Variants in MGST2 observed in about 807,000 individuals in gnomAD.
The protein encoded by MGST2 is microsomal glutathione S-transferase 2.
Under a neutral mutation model 16.6 loss-of-function variants are expected in MGST2, and 9 were observed. The ratio of observed to expected loss-of-function variants is 0.54; its 90% CI spans 0.33 to 0.95. The LOEUF (loss-of-function observed/expected upper bound fraction) is 0.95, where lower values mean the gene tolerates loss of function less well. MGST2 is among the 40% of genes least tolerant of loss of function. MGST2 has a pLI of 0.03. For missense variants in MGST2, 159 were observed against 175.1 expected (o/e 0.91, Z 0.52); for synonymous variants, 79 against 68.0 (o/e 1.16, Z -0.79).
chr4:139,734,172 A>G (rs1728835965), intron 5 of MGST2, among the ~76,000 whole-genome samples: 3 of 152,226 alleles, frequency 2.0e-5, no homozygotes, highest in South Asian at 4.1e-4. Context: ...GGCCACTAAC[A>G]TAATACATGG....
Position 139,665,911 on chromosome 4 carries a change from C to A in MGST2, c.-109C>A. ...ATTCAGCCGCTTGAATCAGCCTTTTCCCCCCACCCGGTCCCCAACTTTGTT... is the reference window on the plus strand; with the variant it reads ...ATTCAGCCGCTTGAATCAGCCTTTTACCCCCACCCGGTCCCCAACTTTGTT... On this transcript the variant is annotated 5_prime_UTR_variant, in exon 1 of 5. Coordinates refer to ENST00000265498, the MANE Select transcript of MGST2 (RefSeq NM_002413.5). The A allele has an allele frequency of 2.7e-6, 3 of 1,096,516 alleles. No homozygotes were observed. Among genetic ancestry groups the A allele is most frequent in the Non-Finnish European group, 4.1e-6 (3 of 724,550 alleles). 67.9% of individuals were successfully genotyped at this position (1,096,516 alleles called of 1,614,324 possible).
chr4:139,706,822 G>A (rs186619722), downstream of MGST2, among the ~76,000 whole-genome samples: 299 of 152,200 alleles, frequency 2.0e-3, no homozygotes, highest in Non-Finnish European at 3.4e-3. Context: ...GCAACCTTTT[G>A]ATTATTTTCA....
intron 5 of MGST2, among the ~76,000 whole-genome samples, chr4:139,723,549 T>C (rs1428400737): frequency 6.6e-6 from 1 of 152,126 alleles, no homozygotes; most frequent in African/African-American, 2.4e-5. Flanking sequence ...CGACCTCAGG[T>C]GAACTGCCCG....
chr4:139,706,306 G>C (rs927977911), downstream of MGST2, among the ~76,000 whole-genome samples: 2 of 152,142 alleles, frequency 1.3e-5, no homozygotes, highest in Non-Finnish European at 2.9e-5. Flanking sequence ...AATCAAAGAA[G>C]TGAAGACTCC....
chr4:139,717,846 G>A (rs1159858795), intron 5 of MGST2: 1 of 152,318 alleles, frequency 6.6e-6, no homozygotes, highest in Admixed American at 6.5e-5. Flanking sequence ...ATTGGGAGGG[G>A]AGGCAAGGAG....
intron 5 of MGST2, among the ~76,000 whole-genome samples, chr4:139,713,141 C>CTA (rs1480324931): frequency 6.6e-6 from 1 of 152,316 alleles, no homozygotes; most frequent in East Asian, 1.9e-4. Context: ...TCCATAACTA[C>CTA]TATTAGCCAT....
At chr4:139,707,038 A>C (rs2110916832), downstream of MGST2, among the ~76,000 whole-genome samples, 1 of 152,034 alleles carries the variant, frequency 6.6e-6, no homozygotes, top group South Asian at 2.1e-4. Context: ...GTCTTTTTTA[A>C]ATTTTTTTAT....
At chr4:139,693,726 C>T (rs775529502) in intron 2 of MGST2, among the ~76,000 whole-genome samples, 9 of 152,172 alleles carry the variant, frequency 5.9e-5, no homozygotes, top group East Asian at 1.9e-4. Context: ...GTTGTAGTTA[C>T]GGTTTGCAAG....
intron 5 of MGST2, among the ~76,000 whole-genome samples, chr4:139,732,427 C>T (rs907324): frequency 0.6 from 91,111 of 151,942 alleles, 27,932 homozygotes; most frequent in African/African-American, 0.71. Context: ...CAAAACAAAA[C>T]AGCAAAGCAA....
At chr4:139,687,998 G>C (rs114251219) in intron 2 of MGST2, among the ~76,000 whole-genome samples, 1 of 152,264 alleles carries the variant, frequency 6.6e-6, no homozygotes, top group Admixed American at 6.5e-5. Flanking sequence ...TCTAATCTGA[G>C]CACCTTGATC....
chr4:139,745,034 C>A (rs546088712), downstream of MGST2, among the ~76,000 whole-genome samples: 117 of 152,344 alleles, frequency 7.7e-4, 1 homozygote, highest in African/African-American at 2.5e-3. Flanking sequence ...TTTCTACTCG[C>A]TCTAACATTT....
chr4:139,719,925 C>G, intron 5 of MGST2: 3 of 1,614,074 alleles, frequency 1.9e-6, no homozygotes, highest in Non-Finnish European at 2.5e-6. Flanking sequence ...CTAGGCAAGG[C>G]CTGGCCTACT....
At chr4:139,668,320 C>G (rs1289099059) in intron 1 of MGST2, among the ~76,000 whole-genome samples, 1 of 152,156 alleles carries the variant, frequency 6.6e-6, no homozygotes, top group Non-Finnish European at 1.5e-5. Flanking sequence ...AGGTGCCAGA[C>G]TCTGTTAATT....
intron 5 of MGST2, among the ~76,000 whole-genome samples, chr4:139,734,792 G>T (rs939030979): frequency 6.6e-6 from 1 of 152,278 alleles, no homozygotes; most frequent in African/African-American, 2.4e-5. Context: ...TTGGGTGAGA[G>T]GGGCCAGCCT....
chr4:139,707,500 C>T (rs1372320229), downstream of MGST2, among the ~76,000 whole-genome samples: 38 of 151,842 alleles, frequency 2.5e-4, no homozygotes, highest in South Asian at 6.3e-4. Flanking sequence ...TGAATAATGC[C>T]GCAATAAACA....
At chr4:139,685,622 C>A (rs530760158) in intron 2 of MGST2, among the ~76,000 whole-genome samples, 1 of 152,214 alleles carries the variant, frequency 6.6e-6, no homozygotes, top group Non-Finnish European at 1.5e-5. Flanking sequence ...CCCTTGTCAA[C>A]AAAAAGAGTC....
At chr4:139,730,410 T>C (rs1038045405) in intron 5 of MGST2, 45 of 1,544,358 alleles carry the variant, frequency 2.9e-5, no homozygotes, top group African/African-American at 4.2e-5. Flanking sequence ...CCAAGGGGCA[T>C]GTTACCTGTT....
chr4:139,714,909 C>T (rs569971261), intron 5 of MGST2, among the ~76,000 whole-genome samples: 61 of 152,188 alleles, frequency 4.0e-4, no homozygotes, highest in Admixed American at 7.8e-4. Context: ...TCCCCATGTC[C>T]CAGGATCCTG....
intron 2 of MGST2, among the ~76,000 whole-genome samples, chr4:139,689,173 C>T (rs1319067810): frequency 6.6e-6 from 1 of 150,986 alleles, no homozygotes; most frequent in Non-Finnish European, 1.5e-5. Context: ...ATGAGCTCCT[C>T]AAACTCCAGT....
Sources: allele counts gnomAD v4.1 joint callset (sites outside exome capture counted in the v4.1 genomes callset), GRCh38; gene constraint gnomAD v4.1.1; transcripts MANE v1.5; gene names NCBI Gene and HGNC (gene_info 2026-07-23, HGNC 2026-07-21).